The following AFG2A variants were observed in gnomAD, a reference collection of about 807,000 sequenced individuals.
The protein encoded by AFG2A is ATPase family gene 2 protein homolog A.
At chr4:123,096,120 G>A in the AFG2A span, among the ~76,000 whole-genome samples, 1 of 152,228 alleles carries the variant, frequency 6.6e-6, no homozygotes, top group African/African-American at 2.4e-5. Flanking sequence ...TTGCTGTGAT[G>A]TAGCACACTA....
At chr4:123,024,354 C>A in the AFG2A span, among the ~76,000 whole-genome samples, 1 of 151,788 alleles carries the variant, frequency 6.6e-6, no homozygotes, top group Non-Finnish European at 1.5e-5. Context: ...GAAAAAAAGG[C>A]CAGGAATCCC....
chr4:123,221,722 C>T, the AFG2A span, among the ~76,000 whole-genome samples: 4 of 151,930 alleles, frequency 2.6e-5, no homozygotes, highest in Admixed American at 2.0e-4. Context: ...GTCAGGAGTT[C>T]GAGACCAGCC....
chr4:123,159,981 G>T, the AFG2A span, among the ~76,000 whole-genome samples: 1 of 152,048 alleles, frequency 6.6e-6, no homozygotes, highest in Non-Finnish European at 1.5e-5. Flanking sequence ...ATCTAACATG[G>T]GTGTGAATAA....
At chr4:123,149,012 G>A in the AFG2A span, among the ~76,000 whole-genome samples, 3 of 152,054 alleles carry the variant, frequency 2.0e-5, no homozygotes, top group South Asian at 6.2e-4. Flanking sequence ...CAGGTAATCC[G>A]CCTGCCTCGG....
the AFG2A span, among the ~76,000 whole-genome samples, chr4:123,019,369 T>C: frequency 6.6e-6 from 1 of 152,094 alleles, no homozygotes. Flanking sequence ...GAATGTAAAA[T>C]TGTGAATATG....
chr4:123,168,899 A>G, the AFG2A span, among the ~76,000 whole-genome samples: 19 of 152,348 alleles, frequency 1.2e-4, no homozygotes, highest in East Asian at 2.7e-3. Context: ...GTCTCTGGTT[A>G]TCATGTTTAG....
At chr4:123,249,278 G>A in the AFG2A span, among the ~76,000 whole-genome samples, 1 of 152,288 alleles carries the variant, frequency 6.6e-6, no homozygotes, top group South Asian at 2.1e-4. Context: ...AAAACAGGGA[G>A]GCAGAAAGCA....
chr4:123,282,653 C>T, the AFG2A span, among the ~76,000 whole-genome samples: 2,218 of 152,116 alleles, frequency 0.015, 48 homozygotes, highest in African/African-American at 0.052. Flanking sequence ...GTCACACAGC[C>T]ACCGCTGTGA....
chr4:123,184,719 G>A, the AFG2A span, among the ~76,000 whole-genome samples: 1 of 150,742 alleles, frequency 6.6e-6, no homozygotes, highest in African/African-American at 2.4e-5. Flanking sequence ...TGTATTTTTA[G>A]TAGAGACGGG....
At chr4:122,934,542 G>A in the AFG2A span, 21 of 1,613,956 alleles carry the variant, frequency 1.3e-5, no homozygotes, top group East Asian at 2.2e-5. Flanking sequence ...TAGGAGCAAA[G>A]TGCAATACTG....
chr4:123,208,400 AC>A, the AFG2A span, among the ~76,000 whole-genome samples: 2 of 152,160 alleles, frequency 1.3e-5, no homozygotes, highest in African/African-American at 4.8e-5. Flanking sequence ...TAGATATGAC[AC>A]CAAAAGCACA....
At chr4:123,020,779 G>A in the AFG2A span, among the ~76,000 whole-genome samples, 1 of 152,006 alleles carries the variant, frequency 6.6e-6, no homozygotes, top group African/African-American at 2.4e-5. Context: ...TAGCATTGAG[G>A]TTGTTTCTAG....
At chr4:122,989,133 A>G in the AFG2A span, among the ~76,000 whole-genome samples, 2 of 151,964 alleles carry the variant, frequency 1.3e-5, no homozygotes, top group Non-Finnish European at 2.9e-5. Flanking sequence ...CTGGTGCTTA[A>G]TTTTGTTCCT....
At chr4:123,016,493 G>T in the AFG2A span, among the ~76,000 whole-genome samples, 150 of 150,456 alleles carry the variant, frequency 1.0e-3, 1 homozygote, top group Admixed American at 4.0e-4. Flanking sequence ...GGGGTGGCGG[G>T]GCAGAGGCGC....
the AFG2A span, among the ~76,000 whole-genome samples, chr4:122,947,760 T>A: frequency 6.6e-6 from 1 of 152,106 alleles, no homozygotes; most frequent in Admixed American, 6.5e-5. Flanking sequence ...GGGCTCAGCA[T>A]CTGAGGAGTC....
the AFG2A span, among the ~76,000 whole-genome samples, chr4:123,096,606 A>G: frequency 6.6e-6 from 1 of 152,046 alleles, no homozygotes; most frequent in Non-Finnish European, 1.5e-5. Context: ...TTATTTGGGT[A>G]CTTTTAGTAC....
chr4:123,132,497 G>A, the AFG2A span, among the ~76,000 whole-genome samples: 4 of 151,536 alleles, frequency 2.6e-5, no homozygotes, highest in African/African-American at 4.8e-5. Flanking sequence ...TTGTGTGTGT[G>A]TGTGTGTGTA....
the AFG2A span, among the ~76,000 whole-genome samples, chr4:123,269,940 C>T: frequency 2.6e-5 from 4 of 152,064 alleles, no homozygotes; most frequent in South Asian, 2.1e-4. Flanking sequence ...CCTCAGCCTC[C>T]GGAGTGGCTG....
the AFG2A span, among the ~76,000 whole-genome samples, chr4:123,108,119 C>G: frequency 2.0e-5 from 3 of 152,192 alleles, no homozygotes; most frequent in African/African-American, 7.2e-5. Context: ...CCGCACCTAC[C>G]CAGTGCAGCG....
Sources: gnomAD v4.1 joint callset for allele counts (sites outside exome capture counted in the v4.1 genomes callset) on GRCh38, gnomAD v4.1.1 for gene constraint, MANE v1.5 for transcripts, NCBI Gene and HGNC (gene_info 2026-07-23, HGNC 2026-07-21) for gene names.